Variants in HLCS observed in about 807,000 individuals in gnomAD.
HLCS encodes the protein biotin--protein ligase.
In HLCS, 53 loss-of-function variants were observed where a neutral mutation model predicts 75.0. The observed-to-expected ratio is 0.71, with a 90% CI of 0.57 to 0.89. The LOEUF (loss-of-function observed/expected upper bound fraction) is 0.89, where lower values mean the gene tolerates loss of function less well. HLCS is among the 40% of genes least tolerant of loss of function. The probability of loss-of-function intolerance (pLI) is 0.00; values close to 1 mark genes in which losing one functional copy is unlikely to be tolerated. For missense variants in HLCS, 966 were observed against 1,074.0 expected (o/e 0.90, Z 1.41); for synonymous variants, 431 against 428.6 (o/e 1.01, Z -0.07).
chr21:36,756,176 C>T (rs1025710756), intron 10 of HLCS, among the ~76,000 whole-genome samples: 33 of 152,086 alleles, frequency 2.2e-4, no homozygotes, highest in African/African-American at 6.0e-4. Context: ...CGGTGGCTCA[C>T]ACCTGTAATC....
chr21:36,958,427 C>T (rs1051958391), intron 2 of HLCS, among the ~76,000 whole-genome samples: 11 of 152,120 alleles, frequency 7.2e-5, no homozygotes, highest in African/African-American at 2.2e-4. Flanking sequence ...ACCATTAATT[C>T]GTTCTCTAGT....
intron 6 of HLCS, among the ~76,000 whole-genome samples, chr21:36,803,371 A>G (rs893814737): frequency 6.6e-6 from 1 of 152,270 alleles, no homozygotes; most frequent in Admixed American, 6.5e-5. Context: ...ATAGACTTCC[A>G]TAACATTGAA....
chr21:36,964,958 C>T (rs2068489136), intron 1 of HLCS, among the ~76,000 whole-genome samples: 1 of 152,180 alleles, frequency 6.6e-6, no homozygotes, highest in East Asian at 1.9e-4. Flanking sequence ...ACGCTCTAAG[C>T]CATACATTGT....
intron 2 of HLCS, among the ~76,000 whole-genome samples, chr21:36,957,154 G>A (rs2068008515): frequency 1.3e-5 from 2 of 152,124 alleles, no homozygotes. Flanking sequence ...AGTGGTTGAG[G>A]TGGGGCCTGT....
chr21:36,829,190 T>C (rs995087784), intron 6 of HLCS, among the ~76,000 whole-genome samples: 2 of 152,200 alleles, frequency 1.3e-5, no homozygotes, highest in African/African-American at 4.8e-5. Flanking sequence ...CCTGTGAAAC[T>C]CCAAATAGCG....
At chr21:36,840,075 A>G (rs1436833116) in intron 6 of HLCS, among the ~76,000 whole-genome samples, 1 of 152,262 alleles carries the variant, frequency 6.6e-6, no homozygotes, top group African/African-American at 2.4e-5. Context: ...TACCTTAAAT[A>G]GCTCACAAAC....
chr21:36,789,143 C>T (rs1034966695), intron 6 of HLCS, among the ~76,000 whole-genome samples: 1 of 152,148 alleles, frequency 6.6e-6, no homozygotes, highest in African/African-American at 2.4e-5. Flanking sequence ...CAGGCTTGAC[C>T]TCCCGGGCTC....
chr21:36,766,415 C>CA (rs59458312), intron 7 of HLCS, among the ~76,000 whole-genome samples: 18,809 of 147,422 alleles, frequency 0.13, 2,223 homozygotes, highest in African/African-American at 0.32. Flanking sequence ...TTTCAAAAAA[C>CA]AAAAAAAAAA....
At chr21:36,906,214 T>C (rs2065448157) in intron 5 of HLCS, among the ~76,000 whole-genome samples, 1 of 152,072 alleles carries the variant, frequency 6.6e-6, no homozygotes, top group South Asian at 2.1e-4. Context: ...TACTGAAAAC[T>C]ACAAAACACT....
Position 36,839,910 on chromosome 21 carries a change from C to T in HLCS, c.1892+56950G>A, listed in dbSNP as rs541102561. ...TTTATTTCGCTGGAGGCCAAGATGA[C>T]GTAATAACAAAAGTGTTATGTAGCT... On this transcript the variant is annotated intron_variant, in intron 6 of 10. Coordinates refer to ENST00000674895, the MANE Select transcript of HLCS (RefSeq NM_001352514.2). Among the ~76,000 whole-genome samples, 6 of 152,282 alleles carry T rather than the reference C, an allele frequency of 3.9e-5. No individual in the cohort carries two copies. In the East Asian group the frequency reaches 5.8e-4, roughly 15 times the overall value.
chr21:36,962,260 A>G, intron 1 of HLCS, 90 bp from the exon 2 acceptor site: 8 of 861,798 alleles, frequency 9.3e-6, no homozygotes, highest in South Asian at 1.6e-5. Context: ...ACCCTCCCCT[A>G]TAATTCCAAG....
Position 36,797,606 on chromosome 21 carries a change from T to A in HLCS, c.1893-30321A>T, listed in dbSNP as rs1256002656. Among the ~76,000 whole-genome samples the A allele has an allele frequency of 2.6e-5, 4 of 152,236 alleles. No individual in the cohort carries two copies. The East Asian group carries it at 5.8e-4, about 22-fold the overall frequency. ...AATAATCCATTTAAACATATCAGAT[T>A]AATGAGGAATTAAATGCATCTGCAC... On this transcript the variant is annotated intron_variant, in intron 6 of 10. Coordinates refer to ENST00000674895, the MANE Select transcript of HLCS (RefSeq NM_001352514.2).
chr21:36,946,537 C>A (rs1272960345), intron 2 of HLCS, among the ~76,000 whole-genome samples: 1 of 152,032 alleles, frequency 6.6e-6, no homozygotes, highest in Admixed American at 6.6e-5. Flanking sequence ...CCACCATGTC[C>A]GGCCCCCCAC....
chr21:36,956,739 T>C (rs2067982294), intron 2 of HLCS, among the ~76,000 whole-genome samples: 1 of 148,442 alleles, frequency 6.7e-6, no homozygotes, highest in Non-Finnish European at 1.5e-5. Context: ...CAAAAATAAA[T>C]AAATAAATAA....
At chr21:36,755,645 C>T (rs56378620) in intron 10 of HLCS, among the ~76,000 whole-genome samples, 1 of 152,218 alleles carries the variant, frequency 6.6e-6, no homozygotes, top group African/African-American at 2.4e-5. Context: ...GATGTCATGC[C>T]TCTTTCGTCT....
At chr21:36,815,555 A>G (rs1021043946) in intron 6 of HLCS, among the ~76,000 whole-genome samples, 1 of 152,248 alleles carries the variant, frequency 6.6e-6, no homozygotes, top group Non-Finnish European at 1.5e-5. Context: ...CAGTACGCTT[A>G]AGAATCCAAC....
chr21:36,845,400 G>A (rs1197326312), intron 6 of HLCS, among the ~76,000 whole-genome samples: 1 of 152,128 alleles, frequency 6.6e-6, no homozygotes, highest in Non-Finnish European at 1.5e-5. Flanking sequence ...TGGGACTGCT[G>A]GGAGCATTTG....
intron 1 of HLCS, among the ~76,000 whole-genome samples, chr21:36,965,730 GA>G (rs2068533091): frequency 8.2e-6 from 1 of 121,228 alleles, no homozygotes; most frequent in African/African-American, 3.1e-5. Context: ...TTTTGTTTGG[GA>G]TTTTTTTTTT....
intron 6 of HLCS, among the ~76,000 whole-genome samples, chr21:36,863,718 C>A (rs182322825): frequency 1.3e-5 from 2 of 152,164 alleles, no homozygotes; most frequent in African/African-American, 4.8e-5. Context: ...CTGCAAAATG[C>A]CTAAACTTGT....
Sources: allele counts gnomAD v4.1 joint callset (sites outside exome capture counted in the v4.1 genomes callset), GRCh38; gene constraint gnomAD v4.1.1; transcripts MANE v1.5; gene names NCBI Gene and HGNC (gene_info 2026-07-23, HGNC 2026-07-21).